Variants in SLC22A23 observed in about 807,000 individuals in gnomAD.
The protein encoded by SLC22A23 is solute carrier family 22 member 23.
Under a neutral mutation model 61.0 loss-of-function variants are expected in SLC22A23, and 26 were observed. That is an observed-to-expected ratio of 0.43 (90% confidence interval 0.31 to 0.59). SLC22A23 has a LOEUF of 0.59. SLC22A23 is among the 20% of genes least tolerant of loss of function. The pLI is 0.11. For synonymous variants in SLC22A23, 430 were observed against 413.9 expected (o/e 1.04, Z -0.47); for missense variants, 796 against 934.7 (o/e 0.85, Z 1.94).
At chr6:3,408,719 G>T (rs1323022839) in intron 3 of SLC22A23, among the ~76,000 whole-genome samples, 1 of 152,186 alleles carries the variant, frequency 6.6e-6, no homozygotes, top group Admixed American at 6.5e-5. Flanking sequence ...TTGCCTGGGG[G>T]TGGTGAGGCT....
intron 3 of SLC22A23, among the ~76,000 whole-genome samples, chr6:3,332,009 G>C (rs538510136): frequency 5.5e-4 from 84 of 152,236 alleles, no homozygotes; most frequent in African/African-American, 2.0e-3. Flanking sequence ...TCCATTCTAC[G>C]GATCAAAATC....
Position 3,387,765 on chromosome 6 carries a change from A to T in SLC22A23, c.913+22423T>A, listed in dbSNP as rs1462683773. Among the ~76,000 whole-genome samples, 2 of 152,224 alleles carry T rather than the reference A, an allele frequency of 1.3e-5. No individual in the cohort carries two copies. The highest frequency in any genetic ancestry group is 6.5e-5 in the Admixed American group (1 of 15,286). On this transcript the variant is annotated intron_variant, in intron 3 of 9. Transcript: ENST00000406686. The surrounding 1 kb of genome is among the most constrained non-coding windows in gnomAD (Gnocchi z 5.0). ...AAAATGTTTTTAAAATATGGTGAAC[A>T]AGTAAGTATATGTATATTTCATTCA...
intron 1 of SLC22A23, among the ~76,000 whole-genome samples, chr6:3,439,843 G>T (rs1326149383): frequency 2.0e-5 from 3 of 152,194 alleles, no homozygotes; most frequent in African/African-American, 7.2e-5. Context: ...CAACAGGATG[G>T]AGGGGTGGAC....
rs926516963 is a variant in SLC22A23, at chr6:3,387,923, T to C, written c.913+22265A>G. Reference sequence around the variant, plus strand: ...CGACAGTCTGTGCCACGGCATCTCCTTTCGGTGGAATTCGTGCTGTTCCTG... The same window carrying C: ...CGACAGTCTGTGCCACGGCATCTCCCTTCGGTGGAATTCGTGCTGTTCCTG... On this transcript the variant is annotated intron_variant, in intron 3 of 9. Transcript: ENST00000406686. The surrounding 1 kb of genome is among the most constrained non-coding windows in gnomAD (Gnocchi z 5.0). 6.6e-6 allele frequency among the ~76,000 whole-genome samples: 1 copy of C among 152,156 alleles called. No homozygotes were observed. Among genetic ancestry groups the C allele is most frequent in the Non-Finnish European group, 1.5e-5 (1 of 68,032 alleles).
At chr6:3,449,832 G>A (rs1772083400) in intron 1 of SLC22A23, among the ~76,000 whole-genome samples, 1 of 152,186 alleles carries the variant, frequency 6.6e-6, no homozygotes, top group Non-Finnish European at 1.5e-5. Context: ...GCAAATGTCT[G>A]TGCATGCCAA....
At chr6:3,446,465 T>C (rs1323756690) in intron 1 of SLC22A23, among the ~76,000 whole-genome samples, 1 of 152,224 alleles carries the variant, frequency 6.6e-6, no homozygotes, top group East Asian at 1.9e-4. Context: ...GTTTCACATA[T>C]CTGGGTCTTT....
At chr6:3,313,759 G>C (rs778377789) in intron 4 of SLC22A23, 10 of 152,160 alleles carry the variant, frequency 6.6e-5, no homozygotes, top group Non-Finnish European at 1.5e-4. Context: ...GGTGGCTCAT[G>C]CTTGTAATCC....
At chr6:3,288,308 T>A (rs1760244310) in intron 6 of SLC22A23, among the ~76,000 whole-genome samples, 1 of 152,240 alleles carries the variant, frequency 6.6e-6, no homozygotes, top group Non-Finnish European at 1.5e-5. Flanking sequence ...CAGGGAAATC[T>A]ACGTCCTTCT....
chr6:3,415,764 C>T lies in SLC22A23; in HGVS notation c.746G>A (p.Cys249Tyr), dbSNP rs1342712189. 6.4e-7 allele frequency: 1 copy of T among 1,551,398 alleles called. No individual in the cohort carries two copies. Among genetic ancestry groups the T allele is most frequent in the Admixed American group, 2.0e-5 (1 of 50,996 alleles). The change falls in exon 2 of 10, where the codon TGC (cysteine) becomes TAC (tyrosine). Residue 249 changes from cysteine to tyrosine, a missense_variant. Cys to Tyr is a radical substitution (Grantham distance 194). Coordinates refer to ENST00000406686, the MANE Select transcript of SLC22A23 (RefSeq NM_015482.2). ...GLIFGYLITG[C>Y]IADWVGRRPV... Reference sequence around the variant, plus strand: ...TGTTGGTACTCACCAGTCAGCAATGCATCCAGTTATTAGGTAGCCAAAGAT... The same window carrying T: ...TGTTGGTACTCACCAGTCAGCAATGTATCCAGTTATTAGGTAGCCAAAGAT...
intron 9 of SLC22A23, among the ~76,000 whole-genome samples, chr6:3,281,329 C>T (rs985141609): frequency 2.6e-5 from 4 of 152,236 alleles, no homozygotes; most frequent in Admixed American, 6.5e-5. Flanking sequence ...GTTCTGTCAA[C>T]GCGAGGTCTG....
chr6:3,443,031 T>C (rs1325889879), intron 1 of SLC22A23, among the ~76,000 whole-genome samples: 1 of 152,122 alleles, frequency 6.6e-6, no homozygotes, highest in Non-Finnish European at 1.5e-5. Context: ...CCAAACAAAA[T>C]TGCTCAGGGC....
chr6:3,377,547 A>G (rs1168568707), intron 3 of SLC22A23, among the ~76,000 whole-genome samples: 2 of 152,316 alleles, frequency 1.3e-5, no homozygotes, highest in Non-Finnish European at 2.9e-5. Flanking sequence ...GGGCAGCATG[A>G]AGGCAGAAAG....
chr6:3,276,709 CGAG>C (rs1758941603), intron 9 of SLC22A23: 1 of 152,266 alleles, frequency 6.6e-6, no homozygotes, highest in African/African-American at 2.4e-5. Context: ...GTGCATTTCT[CGAG>C]GAAGGAGATG....
Position 3,281,597 on chromosome 6 carries a change from G to A in SLC22A23, c.1703+2255C>T, listed in dbSNP as rs370977184. On this transcript the variant is annotated intron_variant, in intron 9 of 9. Coordinates refer to ENST00000406686, the MANE Select transcript of SLC22A23 (RefSeq NM_015482.2). Reference sequence around the variant, plus strand: ...AGGCTAGTTCTGTGCTAAGAAAGATGGAGCTCACGGGCCCCAGGCTGCCCA... The same window carrying A: ...AGGCTAGTTCTGTGCTAAGAAAGATAGAGCTCACGGGCCCCAGGCTGCCCA... Among the ~76,000 whole-genome samples the A allele has an allele frequency of 4.6e-5, 7 of 152,258 alleles. No homozygotes were observed. The South Asian group carries it at 8.3e-4, about 18-fold the overall frequency.
intron 5 of SLC22A23, among the ~76,000 whole-genome samples, chr6:3,296,446 A>G (rs1375242820): frequency 6.6e-6 from 1 of 152,216 alleles, no homozygotes; most frequent in Non-Finnish European, 1.5e-5. Context: ...GGCTAATTAT[A>G]GTGCCTCTCT....
rs1003096835 is a variant in SLC22A23, at chr6:3,410,395, G to A, written c.759-53C>T. On this transcript the variant is annotated intron_variant, in intron 2 of 9. Coordinates refer to ENST00000406686, the MANE Select transcript of SLC22A23 (RefSeq NM_015482.2). The surrounding 1 kb of genome is among the most constrained non-coding windows in gnomAD (Gnocchi z 5.0). ...AATCATTGTGAAACAAGACAATGAC[G>A]CTAGATGCTGAAACCCGGTGTCCAG... The A allele has an allele frequency of 4.6e-6, 7 of 1,506,510 alleles. No homozygotes were observed. The highest frequency in any genetic ancestry group is 2.8e-5 in the African/African-American group (2 of 71,506). The allele number at this position is 1,506,510 out of a possible 1,614,324, so 93.3% of individuals were successfully genotyped here.
rs1171732450 is a variant in SLC22A23 at position 3,387,001 on chromosome 6, T to C, written c.913+23187A>G. The stretch of plus-strand genomic sequence containing the variant: ...TTCCAACCTCACCCAGATTTTCACC[T>C]TTGTTTCTCAGAAAAACCCTACTAA... On this transcript the variant is annotated intron_variant, in intron 3 of 9. Transcript: ENST00000406686. The surrounding 1 kb of genome is among the most constrained non-coding windows in gnomAD (Gnocchi z 5.0). Among the ~76,000 whole-genome samples, 1 of 152,242 alleles carries C rather than the reference T, an allele frequency of 6.6e-6. No individual in the cohort carries two copies. The highest frequency in any genetic ancestry group is 1.5e-5 in the Non-Finnish European group (1 of 68,046).
Position 3,376,509 on chromosome 6 carries a change from C to T in SLC22A23, c.913+33679G>A, listed in dbSNP as rs1416808235. Among the ~76,000 whole-genome samples, 4 of 152,132 alleles carry T rather than the reference C, an allele frequency of 2.6e-5. No individual in the cohort carries two copies. In the East Asian group the frequency reaches 7.7e-4, roughly 29 times the overall value. On this transcript the variant is annotated intron_variant, in intron 3 of 9. Transcript: ENST00000406686. ...TGTGCCTTCTTGTCCTTCTGCCCAA[C>T]TAAATACCTCCCTCTCGAGTCCTTC...
chr6:3,393,875 T>C (rs1176533073), intron 3 of SLC22A23, among the ~76,000 whole-genome samples: 1 of 152,356 alleles, frequency 6.6e-6, no homozygotes, highest in East Asian at 1.9e-4. Flanking sequence ...TCTCAGGCCC[T>C]GGAGATGGTG....
Sources: gnomAD v4.1 joint callset for allele counts (sites outside exome capture counted in the v4.1 genomes callset) on GRCh38, gnomAD v4.1.1 for gene constraint, Gnocchi (gnomAD v3.1) non-coding constraint, MANE v1.5 for transcripts, NCBI Gene and HGNC (gene_info 2026-07-23, HGNC 2026-07-21) for gene names.